The following RGS6 variants were observed in gnomAD, a reference collection of about 807,000 sequenced individuals.
RGS6 encodes the protein regulator of G-protein signaling 6.
RGS6 carries 30 observed loss-of-function variants against 78.5 expected under a neutral mutation model. The observed-to-expected ratio is 0.38, with a 90% confidence interval of 0.29 to 0.52. The LOEUF (loss-of-function observed/expected upper bound fraction) is 0.52. RGS6 is among the 20% of genes least tolerant of loss of function. RGS6 has a pLI of 0.85. For synonymous variants in RGS6, 206 were observed against 206.0 expected, an observed-to-expected ratio of 1.00 and a Z score of 0.00; for missense variants, 495 against 609.7, an observed-to-expected ratio of 0.81 and a Z score of 1.98.
intron 1 of RGS6, among the ~76,000 whole-genome samples, chr14:71,934,573 G>A (rs2088660031): frequency 6.6e-6 from 1 of 152,184 alleles, no homozygotes; most frequent in African/African-American, 2.4e-5. Flanking sequence ...GAAACATTAT[G>A]ACAATGCTTT....
At chr14:72,072,508 C>T (rs531888137) in intron 2 of RGS6, among the ~76,000 whole-genome samples, 11 of 152,076 alleles carry the variant, frequency 7.2e-5, no homozygotes, top group Admixed American at 2.0e-4. Flanking sequence ...GGGGTATCAC[C>T]GTGTTAGCCA....
chr14:72,540,517 C>T (rs1437331631), intron 17 of RGS6: 5 of 1,557,736 alleles, frequency 3.2e-6, no homozygotes, highest in Non-Finnish European at 4.3e-6. Flanking sequence ...CCAAAATTTC[C>T]CTCTGTGAAC....
the RGS6 span, among the ~76,000 whole-genome samples, chr14:72,596,978 C>A: frequency 6.6e-6 from 1 of 152,178 alleles, no homozygotes; most frequent in African/African-American, 2.4e-5. Flanking sequence ...GTGGCTCACG[C>A]CTGTAATCCC....
chr14:72,016,204 A>G (rs2086933969), intron 2 of RGS6, among the ~76,000 whole-genome samples: 1 of 152,212 alleles, frequency 6.6e-6, no homozygotes, highest in African/African-American at 2.4e-5. Flanking sequence ...GACACTTAGA[A>G]TTGATTTTTG....
chr14:72,114,205 GTC>G (rs1454027605), intron 2 of RGS6, among the ~76,000 whole-genome samples: 1 of 152,152 alleles, frequency 6.6e-6, no homozygotes, highest in African/African-American at 2.4e-5. Flanking sequence ...GCACGCCTCT[GTC>G]TATCAGCCTT....
At chr14:71,936,032 A>ATATATATATATAT (rs1428492267) in intron 1 of RGS6, among the ~76,000 whole-genome samples, 4 of 142,022 alleles carry the variant, frequency 2.8e-5, no homozygotes, top group Admixed American at 7.1e-5. Context: ...ATATATATAT[A>ATATATATATATAT]TATATATATG....
intron 2 of RGS6, among the ~76,000 whole-genome samples, chr14:72,013,292 A>C (rs796260542): frequency 1.4e-3 from 212 of 150,098 alleles, no homozygotes; most frequent in Middle Eastern, 0.01. Flanking sequence ...AAAAAAAAAA[A>C]AACAACAACA....
the RGS6 span, among the ~76,000 whole-genome samples, chr14:71,924,696 T>A: frequency 6.6e-6 from 1 of 152,246 alleles, no homozygotes; most frequent in Non-Finnish European, 1.5e-5. Context: ...GTCTTTCAGT[T>A]TCATTCATGT....
chr14:72,383,804 G>A (rs58139305), intron 3 of RGS6, among the ~76,000 whole-genome samples: 1 of 151,920 alleles, frequency 6.6e-6, no homozygotes, highest in Non-Finnish European at 1.5e-5. Flanking sequence ...TCAAAGGGTG[G>A]GGGGGGACGG....
intron 3 of RGS6, among the ~76,000 whole-genome samples, chr14:72,437,937 A>T (rs2095014533): frequency 6.6e-6 from 1 of 152,230 alleles, no homozygotes; most frequent in South Asian, 2.1e-4. Flanking sequence ...ACTTGTTATT[A>T]ATCAGAAGAG....
intron 3 of RGS6, among the ~76,000 whole-genome samples, chr14:72,394,833 A>T: frequency 6.6e-6 from 1 of 152,224 alleles, no homozygotes; most frequent in Admixed American, 6.5e-5. Context: ...TCACAAGAAT[A>T]TTGATTGGGG....
intron 2 of RGS6, among the ~76,000 whole-genome samples, chr14:71,979,042 TA>T (rs1404987277): frequency 6.6e-6 from 1 of 151,510 alleles, no homozygotes; most frequent in Non-Finnish European, 1.5e-5. Flanking sequence ...CTTTCTAGTT[TA>T]TTTGCGTAGA....
At chr14:72,412,870 G>A (rs2093526315) in intron 3 of RGS6, among the ~76,000 whole-genome samples, 1 of 152,072 alleles carries the variant, frequency 6.6e-6, no homozygotes, top group African/African-American at 2.4e-5. Flanking sequence ...CCATGTAGTT[G>A]AGCAGTTTTG....
intron 3 of RGS6, among the ~76,000 whole-genome samples, chr14:72,408,357 T>C (rs1261160199): frequency 6.6e-6 from 1 of 152,204 alleles, no homozygotes; most frequent in Non-Finnish European, 1.5e-5. Context: ...CATTGTTTAG[T>C]ATAATAATGT....
intron 2 of RGS6, among the ~76,000 whole-genome samples, chr14:72,329,691 AGT>A (rs990931466): frequency 6.6e-6 from 1 of 152,222 alleles, no homozygotes; most frequent in African/African-American, 2.4e-5. Context: ...CTAAACCCAT[AGT>A]GTGGAAGCAC....
intron 2 of RGS6, among the ~76,000 whole-genome samples, chr14:72,182,118 G>A (rs2097180307): frequency 6.6e-6 from 1 of 152,082 alleles, no homozygotes; most frequent in Non-Finnish European, 1.5e-5. Context: ...TTTAGAAAAT[G>A]TATAGCTTAG....
chr14:72,566,629 T>TCTCTCA (rs1349119393), downstream of RGS6: 3 of 105,834 alleles, frequency 2.8e-5, no homozygotes, highest in African/African-American at 1.2e-4. Context: ...TTCCCCATTA[T>TCTCTCA]CACACACACA....
intron 2 of RGS6, among the ~76,000 whole-genome samples, chr14:72,259,769 G>A (rs1056635928): frequency 1.3e-5 from 2 of 152,018 alleles, no homozygotes; most frequent in Admixed American, 1.3e-4. Context: ...AAATTAGCCA[G>A]GCGCGGTGGC....
chr14:72,175,553 C>G (rs995074320), intron 2 of RGS6, among the ~76,000 whole-genome samples: 1 of 152,204 alleles, frequency 6.6e-6, no homozygotes, highest in African/African-American at 2.4e-5. Flanking sequence ...AGACACATTC[C>G]TCCTTTCAAG....
Sources: allele counts gnomAD v4.1 joint callset (sites outside exome capture counted in the v4.1 genomes callset), GRCh38; gene constraint gnomAD v4.1.1; transcripts MANE v1.5; gene names NCBI Gene and HGNC (gene_info 2026-07-23, HGNC 2026-07-21).